Variants in OTUD4 observed in about 807,000 individuals in gnomAD.
OTUD4 encodes OTU deubiquitinase 4.
OTUD4 carries 24 observed loss-of-function variants against 130.4 expected under a neutral mutation model. The ratio of observed to expected loss-of-function variants is 0.18; its 90% confidence interval spans 0.13 to 0.26. The LOEUF (loss-of-function observed/expected upper bound fraction) is 0.26, where lower values mean the gene tolerates loss of function less well. Among genes scored for constraint, OTUD4 ranks in the 10% least tolerant of loss-of-function variants. The probability of loss-of-function intolerance (pLI) is 1.00; values close to 1 mark genes in which losing one functional copy is unlikely to be tolerated. For synonymous variants in OTUD4, 420 were observed against 472.5 expected, an observed-to-expected ratio of 0.89 and a Z score of 1.44; for missense variants, 1,031 against 1,329.4, an observed-to-expected ratio of 0.78 and a Z score of 3.49.
At position 145,179,893 on chromosome 4, in the gene OTUD4, G is replaced by T. The variant is rs1052634655; in HGVS notation, c.81C>A (p.Ala27=). The change falls in exon 1 of 21, where the codon GCC becomes GCA. Residue 27 remains alanine, a synonymous_variant. Coordinates refer to ENST00000447906, the MANE Select transcript of OTUD4 (RefSeq NM_001366057.1). The stretch of plus-strand genomic sequence containing the variant: ...GATACAAGCCCAGTTTCCGCAGATA[G>T]GCGTCCATGGGCGTCGCGTCCTCGC... The part of the protein sequence containing the change: ...GPREDATPMD[A]YLRKLGLYRK... The T allele has an allele frequency of 8.5e-6, 13 of 1,528,732 alleles. No homozygotes were observed. The East Asian group carries it at 2.0e-4, about 23-fold the overall frequency. The allele number at this position is 1,528,732 out of a possible 1,614,324, so 94.7% of individuals were successfully genotyped here.
At chr4:145,139,362 A>T (rs1750447911) in intron 20 of OTUD4, among the ~76,000 whole-genome samples, 1 of 152,208 alleles carries the variant, frequency 6.6e-6, no homozygotes, top group African/African-American at 2.4e-5. Context: ...CACAAAAACT[A>T]ATCTAGGTCA....
intron 3 of OTUD4, among the ~76,000 whole-genome samples, chr4:145,169,313 CAT>C (rs968588986): frequency 5.9e-5 from 9 of 152,292 alleles, no homozygotes; most frequent in Admixed American, 2.6e-4. Context: ...CTGACAAAAA[CAT>C]ATTCTCGCAC....
At position 145,134,989 on chromosome 4, in the gene OTUD4, T is replaced by TA. The variant is rs199497813; in HGVS notation, c.*2440dup. 2.2e-3 allele frequency: 873 copies of TA among 396,608 alleles called. 4 individuals are homozygous for TA. Among genetic ancestry groups the TA allele is most frequent in the African/African-American group, 0.015 (722 of 48,708 alleles). 24.6% of individuals were successfully genotyped at this position (396,608 alleles called of 1,614,324 possible). A position where few individuals can be genotyped will look rare whatever the true frequency, so the allele number is the denominator to read the frequency against. On this transcript the variant is annotated 3_prime_UTR_variant, in exon 21 of 21. Coordinates refer to ENST00000447906, the MANE Select transcript of OTUD4 (RefSeq NM_001366057.1). ...AATATGTCAACATAACAGTATGACA[T>TA]AACAGTTAAAATGAAGGACAAAAGC...
At chr4:145,175,633 C>G (rs1253833178) in intron 1 of OTUD4, among the ~76,000 whole-genome samples, 1 of 152,052 alleles carries the variant, frequency 6.6e-6, no homozygotes, top group Non-Finnish European at 1.5e-5. Flanking sequence ...CAACCTTCAC[C>G]TCCCAGGTTC....
At chr4:145,146,024 A>G (rs377091241) in intron 14 of OTUD4, 1 of 293,508 alleles carries the variant, frequency 3.4e-6, no homozygotes. Flanking sequence ...ACGAAACACT[A>G]CAAGTGAACA....
At chr4:145,158,508 A>C (rs1751401752) in intron 7 of OTUD4, among the ~76,000 whole-genome samples, 1 of 151,706 alleles carries the variant, frequency 6.6e-6, no homozygotes, top group Non-Finnish European at 1.5e-5. Flanking sequence ...AAAACAAAAA[A>C]AAACAAAAAA....
intron 7 of OTUD4, chr4:145,159,256 T>C: frequency 2.3e-6 from 3 of 1,285,652 alleles, no homozygotes; most frequent in South Asian, 1.7e-5. Flanking sequence ...TCTACAAATA[T>C]GCATCTAGAT....
rs1750155768 is a variant in OTUD4, at chr4:145,134,767, G to C, written c.*2663C>G. On this transcript the variant is annotated 3_prime_UTR_variant, in exon 21 of 21. Coordinates refer to ENST00000447906, the MANE Select transcript of OTUD4 (RefSeq NM_001366057.1). ...TTGAAGATTTGAGAGGAAATGAAGAGACATACACAACACCAAAGGGAAAAG... is the reference window on the plus strand; with the variant it reads ...TTGAAGATTTGAGAGGAAATGAAGACACATACACAACACCAAAGGGAAAAG... 1 of 398,750 alleles carries C rather than the reference G, an allele frequency of 2.5e-6. No homozygotes were observed. The highest frequency in any genetic ancestry group is 4.4e-5 in the Admixed American group (1 of 22,682). The allele number at this position is 398,750 out of a possible 1,614,324, so 24.7% of individuals were successfully genotyped here.
intron 5 of OTUD4, among the ~76,000 whole-genome samples, chr4:145,163,267 C>G (rs181106543): frequency 1.2e-3 from 181 of 152,370 alleles, no homozygotes; most frequent in African/African-American, 4.2e-3. Flanking sequence ...CAATTCCCCT[C>G]TAACTTAACA....
At chr4:145,156,605 C>T (rs1359357812) in intron 7 of OTUD4, among the ~76,000 whole-genome samples, 1 of 151,972 alleles carries the variant, frequency 6.6e-6, no homozygotes, top group Non-Finnish European at 1.5e-5. Flanking sequence ...ATCGCTTGAA[C>T]CCGGGAGGCG....
At chr4:145,172,903 T>C (rs1303557149) in intron 2 of OTUD4, among the ~76,000 whole-genome samples, 1 of 151,920 alleles carries the variant, frequency 6.6e-6, no homozygotes, top group Admixed American at 6.6e-5. Context: ...CAAGCCTGCA[T>C]CCTCTCTGAG....
intron 2 of OTUD4, among the ~76,000 whole-genome samples, chr4:145,174,423 C>T (rs1308328409): frequency 6.6e-6 from 1 of 152,150 alleles, no homozygotes; most frequent in Non-Finnish European, 1.5e-5. Flanking sequence ...CACAGCTCAG[C>T]GTCTTATCCA....
At chr4:145,149,033 T>C (rs143117910) in intron 13 of OTUD4, among the ~76,000 whole-genome samples, 1 of 152,320 alleles carries the variant, frequency 6.6e-6, no homozygotes, top group Non-Finnish European at 1.5e-5. Flanking sequence ...CAAAAAGATA[T>C]GTTCATATTC....
intron 1 of OTUD4, among the ~76,000 whole-genome samples, chr4:145,175,735 G>A (rs988715270): frequency 1.3e-5 from 2 of 151,916 alleles, no homozygotes; most frequent in African/African-American, 2.4e-5. Context: ...AGTAGAGACA[G>A]GGTTTCACCA....
chr4:145,163,615 CTAAAA>C (rs1162650268), intron 5 of OTUD4, among the ~76,000 whole-genome samples: 2 of 149,436 alleles, frequency 1.3e-5, no homozygotes, highest in African/African-American at 4.9e-5. Flanking sequence ...AGTGTTTCTA[CTAAAA>C]TGTTATAAAA....
chr4:145,178,910 C>T (rs895266036), intron 1 of OTUD4, among the ~76,000 whole-genome samples: 1 of 151,934 alleles, frequency 6.6e-6, no homozygotes, highest in African/African-American at 2.4e-5. Context: ...GGGAGCAGGT[C>T]CTAGGTCAAA....
intron 7 of OTUD4, 47 bp from the exon 8 acceptor site, chr4:145,156,043 C>G (rs200794023): frequency 1.5e-5 from 21 of 1,437,558 alleles, no homozygotes; most frequent in Admixed American, 1.8e-5. Flanking sequence ...GGTATTTGCA[C>G]GTAATTACCT....
chr4:145,158,753 A>G (rs1468190916), intron 7 of OTUD4, among the ~76,000 whole-genome samples: 1 of 152,196 alleles, frequency 6.6e-6, no homozygotes, highest in Non-Finnish European at 1.5e-5. Flanking sequence ...TAACTAATAT[A>G]CTGGATACCG....
intron 19 of OTUD4, among the ~76,000 whole-genome samples, chr4:145,140,709 C>G (rs1296787055): frequency 1.3e-5 from 2 of 152,106 alleles, no homozygotes; most frequent in East Asian, 3.9e-4. Context: ...GGATGCATGT[C>G]TGAAATGCAG....
Sources: allele counts gnomAD v4.1 joint callset (sites outside exome capture counted in the v4.1 genomes callset), GRCh38; gene constraint gnomAD v4.1.1; transcripts MANE v1.5; gene names NCBI Gene and HGNC (gene_info 2026-07-23, HGNC 2026-07-21).